Variants in MCTP2 observed in about 807,000 individuals in gnomAD.
MCTP2 encodes multiple C2 and transmembrane domain-containing protein 2.
In MCTP2, 132 loss-of-function variants were observed where a neutral mutation model predicts 111.6. The ratio of observed to expected loss-of-function variants is 1.18; its 90% CI spans 1.03 to 1.37. The LOEUF (loss-of-function observed/expected upper bound fraction) is 1.37, where lower values mean the gene tolerates loss of function less well. Ranked by LOEUF, MCTP2 falls within the 40% of genes most tolerant of loss-of-function variation. The pLI is 0.00. For missense variants in MCTP2, 1,183 were observed against 1,067.9 expected (o/e 1.11, Z -1.50); for synonymous variants, 395 against 387.7 (o/e 1.02, Z -0.22).
intron 1 of MCTP2, among the ~76,000 whole-genome samples, chr15:94,270,936 A>G (rs2073875291): frequency 6.6e-6 from 1 of 152,130 alleles, no homozygotes; most frequent in Admixed American, 6.5e-5. Flanking sequence ...ATATATCCCT[A>G]GTGGCTGGAA....
chr15:94,326,827 CAA>C (rs770238481), intron 4 of MCTP2, among the ~76,000 whole-genome samples: 898 of 117,248 alleles, frequency 7.7e-3, no homozygotes, highest in African/African-American at 0.01. Context: ...CACCCCCCCC[CAA>C]CCTCGGCCTC....
intron 20 of MCTP2, among the ~76,000 whole-genome samples, chr15:94,462,676 A>G (rs946480776): frequency 6.6e-6 from 1 of 152,224 alleles, no homozygotes; most frequent in African/African-American, 2.4e-5. Context: ...TACAGAAGCA[A>G]TGAAGACGGG....
intron 20 of MCTP2, among the ~76,000 whole-genome samples, chr15:94,464,255 TATTATA>T (rs372279098): frequency 0.41 from 32,328 of 79,748 alleles, 7,637 homozygotes; most frequent in Middle Eastern, 0.6. Context: ...TATATATATA[TATTATA>T]TATATATATA....
chr15:94,460,771 G>C (rs1279144119), intron 20 of MCTP2, among the ~76,000 whole-genome samples: 1 of 152,212 alleles, frequency 6.6e-6, no homozygotes, highest in African/African-American at 2.4e-5. Context: ...CATGAACAGA[G>C]TACTGTTCTG....
chr15:94,313,475 G>C (rs990948570), intron 2 of MCTP2, among the ~76,000 whole-genome samples: 1 of 152,142 alleles, frequency 6.6e-6, no homozygotes, highest in African/African-American at 2.4e-5. Flanking sequence ...GGGTGAGGCA[G>C]GCAGATCACG....
At chr15:94,412,667 G>A (rs973021580) in intron 17 of MCTP2, among the ~76,000 whole-genome samples, 4 of 152,038 alleles carry the variant, frequency 2.6e-5, no homozygotes, top group African/African-American at 9.6e-5. Context: ...TCTCTTTAAG[G>A]AATAGAGTAT....
At chr15:94,471,644 A>C (rs1389657605) in intron 21 of MCTP2, among the ~76,000 whole-genome samples, 1 of 151,932 alleles carries the variant, frequency 6.6e-6, no homozygotes, top group Non-Finnish European at 1.5e-5. Context: ...GGAAAGTCTC[A>C]TCTGTGCTTA....
intron 4 of MCTP2, among the ~76,000 whole-genome samples, chr15:94,318,000 G>T (rs1340606053): frequency 6.6e-6 from 1 of 151,976 alleles, no homozygotes; most frequent in Non-Finnish European, 1.5e-5. Flanking sequence ...ATGGCTTGGG[G>T]CAGATAGCAT....
Position 94,360,945 on chromosome 15 carries a change from C to T in MCTP2, c.1301+2333C>T, listed in dbSNP as rs568944909. ...TGGGAGCTGGTGCTACTGCTTTACCCTGCCTCGAGCTTGCAGGTGGGGGAA... is the reference window on the plus strand; with the variant it reads ...TGGGAGCTGGTGCTACTGCTTTACCTTGCCTCGAGCTTGCAGGTGGGGGAA... On this transcript the variant is annotated intron_variant, in intron 10 of 22. Transcript: ENST00000357742. Among the ~76,000 whole-genome samples, 4 of 151,824 alleles carry T rather than the reference C, an allele frequency of 2.6e-5. No homozygotes were observed. In the South Asian group the frequency reaches 8.3e-4, roughly 32 times the overall value.
intron 8 of MCTP2, among the ~76,000 whole-genome samples, chr15:94,351,858 T>C (rs889149926): frequency 1.3e-5 from 2 of 152,222 alleles, no homozygotes; most frequent in Non-Finnish European, 2.9e-5. Flanking sequence ...TGGCTCCAGC[T>C]CCTGACTTCA....
At chr15:94,465,860 A>G (rs1333525601) in intron 20 of MCTP2, among the ~76,000 whole-genome samples, 1 of 138,598 alleles carries the variant, frequency 7.2e-6, no homozygotes, top group Non-Finnish European at 1.6e-5. Flanking sequence ...TAACAGCGTT[A>G]TGTGCCACAG....
chr15:94,322,637 T>C (rs2076682043), intron 4 of MCTP2, among the ~76,000 whole-genome samples: 1 of 152,244 alleles, frequency 6.6e-6, no homozygotes, highest in African/African-American at 2.4e-5. Flanking sequence ...ATTCTTGCTT[T>C]GAAAAACTGC....
chr15:94,350,765 A>G (rs1187116781), intron 8 of MCTP2, among the ~76,000 whole-genome samples: 1 of 152,186 alleles, frequency 6.6e-6, no homozygotes, highest in East Asian at 1.9e-4. Context: ...GAAATACAAG[A>G]CGATTAATAC....
chr15:94,402,413 T>C, intron 17 of MCTP2: 1 of 1,524,550 alleles, frequency 6.6e-7, no homozygotes, highest in Non-Finnish European at 8.8e-7. Context: ...TCCCAAACTT[T>C]GATATTAAAG....
At chr15:94,266,507 A>G (rs1300172843) in intron 1 of MCTP2, among the ~76,000 whole-genome samples, 1 of 151,734 alleles carries the variant, frequency 6.6e-6, no homozygotes, top group Non-Finnish European at 1.5e-5. Flanking sequence ...TGTGTATTAA[A>G]TTTTAGTAAC....
chr15:94,356,296 AG>A lies in MCTP2; in HGVS notation c.1166del (p.Ser389IlefsTer56). 6.3e-7 allele frequency: 1 copy of A among 1,598,774 alleles called. No homozygotes were observed. Among genetic ancestry groups the A allele is most frequent in the Non-Finnish European group, 8.5e-7 (1 of 1,173,362 alleles). ...QLKLGDQRYK[S>X]KTLCKSANPQ... ...AAAACTGGGAGATCAGAGGTATAAA[AG>A]TAAGGTAAGTTCCATCTTTTCCATA... On this transcript the variant is annotated frameshift_variant, in exon 9 of 23. Coordinates refer to ENST00000357742, the MANE Select transcript of MCTP2 (RefSeq NM_001385001.1). LOFTEE classifies it high-confidence loss of function.
At chr15:94,435,848 G>A (rs1464223281) in intron 17 of MCTP2, among the ~76,000 whole-genome samples, 1 of 150,704 alleles carries the variant, frequency 6.6e-6, no homozygotes, top group Non-Finnish European at 1.5e-5. Context: ...AGCCGGGATG[G>A]TCTCGATCTC....
intron 19 of MCTP2, among the ~76,000 whole-genome samples, chr15:94,444,557 T>C (rs1321994615): frequency 1.3e-5 from 2 of 152,166 alleles, no homozygotes; most frequent in Non-Finnish European, 2.9e-5. Context: ...TCAGGTGTGG[T>C]TGAAAGGGGC....
At chr15:94,477,232 T>C (rs2074440560) in intron 22 of MCTP2, among the ~76,000 whole-genome samples, 4 of 152,204 alleles carry the variant, frequency 2.6e-5, no homozygotes. Flanking sequence ...ATTTATCTCC[T>C]AGGCCTCCCT....
Sources: gnomAD v4.1 joint callset for allele counts (sites outside exome capture counted in the v4.1 genomes callset) on GRCh38, gnomAD v4.1.1 for gene constraint, MANE v1.5 for transcripts, NCBI Gene and HGNC (gene_info 2026-07-23, HGNC 2026-07-21) for gene names.